LEKR1: variants seen among roughly 807,000 people sequenced by gnomAD.
LEKR1 encodes the protein protein LEKR1.
In LEKR1, 59 loss-of-function variants were observed where a neutral mutation model predicts 72.4. The observed-to-expected ratio is 0.82, with a 90% CI of 0.66 to 1.01. The LOEUF (loss-of-function observed/expected upper bound fraction) is 1.01, where lower values mean the gene tolerates loss of function less well. Among genes scored for constraint, LEKR1 ranks in the 50% least tolerant of loss-of-function variants. The probability of loss-of-function intolerance (pLI) is 0.00; values close to 1 mark genes in which losing one functional copy is unlikely to be tolerated. For synonymous variants in LEKR1, 257 were observed against 263.2 expected, an observed-to-expected ratio of 0.98 and a Z score of 0.23; for missense variants, 728 against 759.2, an observed-to-expected ratio of 0.96 and a Z score of 0.48.
chr3:156,990,171 T>C (rs1731038980), intron 7 of LEKR1, among the ~76,000 whole-genome samples: 1 of 152,166 alleles, frequency 6.6e-6, no homozygotes. Flanking sequence ...TTTTTAAAAA[T>C]AAAAAATTCT....
rs142110990 is a variant in LEKR1, at chr3:156,862,359, G to A, written c.263+9377G>A. On this transcript the variant is annotated intron_variant, in intron 3 of 12. Coordinates refer to ENST00000356539, the MANE Select transcript of LEKR1 (RefSeq NM_001004316.3). ...ATAACAAATAAAATAATTTTTATTG[G>A]CATAAACATAGTGGGAATTATAAGA... Among the ~76,000 whole-genome samples the A allele has an allele frequency of 1.8e-3, 278 of 151,964 alleles. 2 individuals are homozygous for A. Among genetic ancestry groups the A allele is most frequent in the African/African-American group, 6.5e-3 (271 of 41,428 alleles).
At chr3:156,887,630 GGA>G (rs78923232) in intron 3 of LEKR1, among the ~76,000 whole-genome samples, 4,834 of 151,966 alleles carry the variant, frequency 0.032, 117 homozygotes, top group Non-Finnish European at 0.048. Flanking sequence ...TAATTGCTCA[GGA>G]GAGAGAGCAA....
intron 7 of LEKR1, among the ~76,000 whole-genome samples, chr3:156,986,456 A>G (rs557118280): frequency 3.3e-5 from 5 of 152,338 alleles, no homozygotes; most frequent in African/African-American, 7.2e-5. Context: ...AGACTGTAGC[A>G]TGGAGATGGA....
In LEKR1 at chr3:157,001,891, G is replaced by C. The variant is rs73873767; in HGVS notation, c.1109+8614G>C. 7.2e-3 allele frequency among the ~76,000 whole-genome samples: 1,091 copies of C among 152,246 alleles called. 21 individuals carry two copies. The highest frequency in any genetic ancestry group is 0.025 in the African/African-American group (1,047 of 41,540). On this transcript the variant is annotated intron_variant, in intron 9 of 12. Transcript: ENST00000356539. ...ATCCCCAGAGAATAAAACAGTGCCA[G>C]ACACATAGTCAGCTCTCAATATTTG... is the stretch of plus-strand genomic sequence containing the variant.
chr3:156,863,145 T>C (rs1356104287), intron 3 of LEKR1, among the ~76,000 whole-genome samples: 1 of 152,044 alleles, frequency 6.6e-6, no homozygotes, highest in Admixed American at 6.6e-5. Context: ...TGTTTGCTTA[T>C]TTAAGCAAGG....
chr3:156,844,501 A>G (rs1331396612), intron 2 of LEKR1, among the ~76,000 whole-genome samples: 6 of 152,094 alleles, frequency 3.9e-5, no homozygotes, highest in Non-Finnish European at 7.4e-5. Flanking sequence ...TTATCACCAC[A>G]TTCACCTTAA....
intron 10 of LEKR1, among the ~76,000 whole-genome samples, chr3:157,023,845 T>A (rs1249651681): frequency 6.6e-6 from 1 of 152,178 alleles, no homozygotes; most frequent in Non-Finnish European, 1.5e-5. Context: ...TCTATCTGAG[T>A]CAAAGTATGG....
At chr3:156,879,254 T>C (rs966657954) in intron 3 of LEKR1, among the ~76,000 whole-genome samples, 16 of 152,142 alleles carry the variant, frequency 1.1e-4, no homozygotes, top group Non-Finnish European at 2.1e-4. Flanking sequence ...CAGGTTGAGG[T>C]GGTCTCAGAT....
chr3:156,867,128 G>A (rs6783490), intron 3 of LEKR1, among the ~76,000 whole-genome samples: 6,818 of 152,126 alleles, frequency 0.045, 542 homozygotes, highest in African/African-American at 0.16. Flanking sequence ...CAGAATAAAG[G>A]ATGTATCTTG....
intron 6 of LEKR1, among the ~76,000 whole-genome samples, chr3:156,950,837 C>A (rs1335959518): frequency 6.6e-6 from 1 of 151,582 alleles, no homozygotes; most frequent in Non-Finnish European, 1.5e-5. Flanking sequence ...TTCTTCTTAA[C>A]CTATTTGAAT....
chr3:156,998,570 G>A (rs1731764664), intron 9 of LEKR1, among the ~76,000 whole-genome samples: 1 of 152,120 alleles, frequency 6.6e-6, no homozygotes, highest in African/African-American at 2.4e-5. Context: ...AATGAAGAAT[G>A]TTGTTAGAGG....
chr3:156,979,431 G>A (rs1576938337), intron 7 of LEKR1, 156 bp downstream of exon 7: 1 of 321,694 alleles, frequency 3.1e-6, no homozygotes, highest in East Asian at 8.1e-5. Flanking sequence ...ATAGTTTACT[G>A]CTGCTTTTCT....
At chr3:156,912,279 C>T (rs1723187460) in intron 3 of LEKR1, among the ~76,000 whole-genome samples, 1 of 152,060 alleles carries the variant, frequency 6.6e-6, no homozygotes, top group African/African-American at 2.4e-5. Context: ...GTGTTTTATC[C>T]TGTGCCCCTC....
rs1560064633 is a variant in LEKR1 at position 156,899,615 on chromosome 3, CATATATACACATATATACACGCAT to C, written c.264-20954_264-20931del. Among the ~76,000 whole-genome samples, 12 of 85,484 alleles carry C rather than the reference CATATATACACATATATACACGCAT, an allele frequency of 1.4e-4. No individual in the cohort carries two copies. In the East Asian group the frequency reaches 2.2e-3, roughly 16 times the overall value. 56.1% of individuals were successfully genotyped at this position (85,484 alleles called of 152,430 possible). Reference sequence around the variant, plus strand: ...ATATACATATACGTATATATACACACATATATACACATATATACACGCATATATACACATATATACACGCATATA... The same window carrying C: ...ATATACATATACGTATATATACACACATATACACATATATACACGCATATA... On this transcript the variant is annotated intron_variant, in intron 3 of 12. Transcript: ENST00000356539.
chr3:157,024,268 C>T (rs898167122), intron 10 of LEKR1, among the ~76,000 whole-genome samples: 4 of 152,158 alleles, frequency 2.6e-5, no homozygotes, highest in African/African-American at 7.2e-5. Flanking sequence ...TTTAATCATC[C>T]TTCCCACTTT....
intron 6 of LEKR1, among the ~76,000 whole-genome samples, chr3:156,968,467 G>C (rs1298646771): frequency 6.6e-6 from 1 of 152,140 alleles, no homozygotes; most frequent in African/African-American, 2.4e-5. Context: ...GAAGGCAGGA[G>C]TTGCAATCCT....
chr3:156,868,168 C>T (rs1040480841), intron 3 of LEKR1, among the ~76,000 whole-genome samples: 8 of 152,086 alleles, frequency 5.3e-5, no homozygotes, highest in African/African-American at 1.9e-4. Context: ...GGCAACCTTA[C>T]TCACACTGAA....
At chr3:156,850,049 G>A (rs1022416247) in intron 2 of LEKR1, among the ~76,000 whole-genome samples, 3 of 151,590 alleles carry the variant, frequency 2.0e-5, no homozygotes, top group African/African-American at 2.4e-5. Context: ...AATGAACTCA[G>A]ACAAATTTAC....
At chr3:156,975,498 A>G (rs1178739645) in intron 6 of LEKR1, among the ~76,000 whole-genome samples, 1 of 152,188 alleles carries the variant, frequency 6.6e-6, no homozygotes, top group African/African-American at 2.4e-5. Context: ...CTGTTTTCTC[A>G]AACATTATAC....
Sources: allele counts gnomAD v4.1 joint callset (sites outside exome capture counted in the v4.1 genomes callset), GRCh38; gene constraint gnomAD v4.1.1; transcripts MANE v1.5; gene names NCBI Gene and HGNC (gene_info 2026-07-23, HGNC 2026-07-21).